The following PDE3B variants were observed in gnomAD, a reference collection of about 807,000 sequenced individuals.
PDE3B encodes the protein phosphodiesterase 3B, also known as cGMP-inhibited 3',5'-cyclic phosphodiesterase 3B.
A neutral mutation model predicts 116.8 loss-of-function variants in PDE3B; 66 were observed. That is an observed-to-expected ratio of 0.56 (90% confidence interval 0.46 to 0.69). PDE3B has a LOEUF of 0.69. Among genes scored for constraint, PDE3B ranks in the 30% least tolerant of loss-of-function variants. The pLI, the probability that PDE3B is intolerant of heterozygous loss-of-function variation, is 0.00. For synonymous variants in PDE3B, 595 were observed against 533.6 expected (o/e 1.12, Z -1.59); for missense variants, 1,384 against 1,368.1 (o/e 1.01, Z -0.18).
At chr11:14,732,049 G>A (rs956280004) in intron 1 of PDE3B, among the ~76,000 whole-genome samples, 10 of 152,116 alleles carry the variant, frequency 6.6e-5, no homozygotes, top group Non-Finnish European at 1.3e-4. Flanking sequence ...TGACATCTGA[G>A]CAACAAAAGA....
intron 1 of PDE3B, chr11:14,674,455 G>A (rs1854470943): frequency 1.3e-5 from 8 of 603,948 alleles, no homozygotes; most frequent in South Asian, 8.4e-5. Context: ...GTCCTTAATG[G>A]CAACCTTTAC....
intron 12 of PDE3B, among the ~76,000 whole-genome samples, chr11:14,856,966 A>G (rs1488932606): frequency 1.3e-5 from 2 of 152,084 alleles, no homozygotes; most frequent in African/African-American, 4.8e-5. Flanking sequence ...TGTTCAGATT[A>G]GTCAGACTTA....
intron 1 of PDE3B, among the ~76,000 whole-genome samples, chr11:14,671,989 C>T (rs142723356): frequency 4.1e-3 from 600 of 145,764 alleles, no homozygotes; most frequent in Admixed American, 7.5e-3. Context: ...TGTACTCCAG[C>T]CTGGGTGACA....
Position 14,869,810 on chromosome 11 carries a change from G to C in PDE3B, c.*150G>C, listed in dbSNP as rs1012787771. On this transcript the variant is annotated 3_prime_UTR_variant, in exon 16 of 16. Transcript: ENST00000282096. Reference sequence around the variant, plus strand: ...AATACTGTGAGAGGATCCTTGCTCTGCTGGCAGTTTCCCACTCCTATGCAC... The same window carrying C: ...AATACTGTGAGAGGATCCTTGCTCTCCTGGCAGTTTCCCACTCCTATGCAC... 2 of 618,228 alleles carry C rather than the reference G, an allele frequency of 3.2e-6. No homozygotes were observed. The highest frequency in any genetic ancestry group is 5.5e-6 in the Non-Finnish European group (2 of 362,800). The allele number at this position is 618,228 out of a possible 1,614,324, so 38.3% of individuals were successfully genotyped here. A position where few individuals can be genotyped will look rare whatever the true frequency, so the allele number is the denominator to read the frequency against.
intron 1 of PDE3B, among the ~76,000 whole-genome samples, chr11:14,713,903 G>A (rs1855787441): frequency 6.6e-6 from 1 of 152,186 alleles, no homozygotes. Context: ...AATAGGGTAT[G>A]TGATGGAAGC....
chr11:14,844,669 G>A (rs1391273401), intron 12 of PDE3B, among the ~76,000 whole-genome samples: 5 of 152,184 alleles, frequency 3.3e-5, no homozygotes, highest in Non-Finnish European at 7.4e-5. Context: ...AAAAAACGGC[G>A]CACCAGGAGA....
the PDE3B span, among the ~76,000 whole-genome samples, chr11:14,894,353 C>G: frequency 5.3e-5 from 8 of 152,072 alleles, no homozygotes; most frequent in Non-Finnish European, 7.4e-5. Flanking sequence ...GCTGAGGCAC[C>G]AGGAGCTGAG....
chr11:14,717,258 T>G (rs1447325083), intron 1 of PDE3B, among the ~76,000 whole-genome samples: 932 of 82,692 alleles, frequency 0.011, no homozygotes, highest in Non-Finnish European at 0.012. Context: ...CTCCAAGAAA[T>G]ATGGGACTAT....
At chr11:14,818,436 A>G in intron 6 of PDE3B, 43 bp downstream of exon 6, 2 of 1,348,980 alleles carry the variant, frequency 1.5e-6, no homozygotes, top group Non-Finnish European at 2.1e-6. Context: ...CAAAATGTTG[A>G]TTACAGTTAA....
chr11:14,836,617 C>A (rs1860064127), intron 11 of PDE3B, among the ~76,000 whole-genome samples: 1 of 152,152 alleles, frequency 6.6e-6, no homozygotes, highest in South Asian at 2.1e-4. Flanking sequence ...TAATAAGTTA[C>A]CAGAAATTTA....
the PDE3B span, chr11:14,879,291 CA>C: frequency 6.2e-7 from 1 of 1,613,288 alleles, no homozygotes; most frequent in Non-Finnish European, 8.5e-7. Context: ...ACTGCATCTT[CA>C]GAGGTTGCAT....
intron 1 of PDE3B, among the ~76,000 whole-genome samples, chr11:14,721,792 G>T (rs1396900646): frequency 1.5e-5 from 1 of 65,438 alleles, no homozygotes; most frequent in Non-Finnish European, 2.9e-5. Context: ...GGGGCAGGGG[G>T]GAGGGGTAGC....
intron 1 of PDE3B, among the ~76,000 whole-genome samples, chr11:14,746,524 A>G (rs1231157636): frequency 6.6e-6 from 1 of 152,166 alleles, no homozygotes; most frequent in Non-Finnish European, 1.5e-5. Context: ...ATTTAGGACA[A>G]CTCTGAAGGG....
intron 12 of PDE3B, among the ~76,000 whole-genome samples, chr11:14,851,249 A>T (rs961356011): frequency 1.3e-5 from 2 of 152,090 alleles, no homozygotes; most frequent in African/African-American, 2.4e-5. Context: ...TGGATGCTTT[A>T]TGAAGAGTAG....
chr11:14,663,048 C>T (rs1853988830), intron 1 of PDE3B, among the ~76,000 whole-genome samples: 1 of 151,916 alleles, frequency 6.6e-6, no homozygotes, highest in Non-Finnish European at 1.5e-5. Context: ...ATGTTAAGGG[C>T]AGCCAGAGAG....
At chr11:14,811,847 G>A (rs1019242808) in intron 5 of PDE3B, among the ~76,000 whole-genome samples, 2 of 152,164 alleles carry the variant, frequency 1.3e-5, no homozygotes, top group African/African-American at 4.8e-5. Context: ...TCCTTGAAGA[G>A]GTCCCTCACG....
intron 5 of PDE3B, among the ~76,000 whole-genome samples, chr11:14,807,260 A>G (rs1300288029): frequency 1.3e-5 from 2 of 152,180 alleles, no homozygotes; most frequent in Non-Finnish European, 2.9e-5. Context: ...GTATAATAAT[A>G]ATAAAAAAAT....
At chr11:14,846,030 A>C (rs1847593818) in intron 12 of PDE3B, among the ~76,000 whole-genome samples, 1 of 152,328 alleles carries the variant, frequency 6.6e-6, no homozygotes, top group Middle Eastern at 3.4e-3. Flanking sequence ...TCCAAGACTC[A>C]TAACTGTCAG....
intron 1 of PDE3B, among the ~76,000 whole-genome samples, chr11:14,652,763 A>G (rs1853605076): frequency 1.3e-5 from 2 of 152,310 alleles, no homozygotes; most frequent in South Asian, 2.1e-4. Flanking sequence ...GATACCTCAT[A>G]TAAGTGGAAT....
Sources: gnomAD v4.1 joint callset for allele counts (sites outside exome capture counted in the v4.1 genomes callset) on GRCh38, gnomAD v4.1.1 for gene constraint, MANE v1.5 for transcripts, NCBI Gene and HGNC (gene_info 2026-07-23, HGNC 2026-07-21) for gene names.